The following NBAS variants were observed in gnomAD, a reference collection of about 807,000 sequenced individuals.
NBAS encodes NAG/BC035112 fusion.
Under a neutral mutation model 302.5 loss-of-function variants are expected in NBAS, and 219 were observed. The ratio of observed to expected loss-of-function variants is 0.72; its 90% CI spans 0.65 to 0.81. The LOEUF (loss-of-function observed/expected upper bound fraction) is 0.81, where lower values mean the gene tolerates loss of function less well. NBAS is among the 30% of genes least tolerant of loss of function. The pLI, the probability that NBAS is intolerant of heterozygous loss-of-function variation, is 0.00. For missense variants in NBAS, 2,932 were observed against 2,841.6 expected, an observed-to-expected ratio of 1.03 and a Z score of -0.72; for synonymous variants, 1,118 against 1,021.6, an observed-to-expected ratio of 1.09 and a Z score of -1.80.
Position 15,556,701 on chromosome 2 carries a change from A to G in NBAS, c.209+82T>C. The G allele has an allele frequency of 3.1e-6, 4 of 1,300,556 alleles. No homozygotes were observed. The Admixed American group carries it at 7.0e-5, about 23-fold the overall frequency. 80.6% of individuals were successfully genotyped at this position (1,300,556 alleles called of 1,614,324 possible). ...GCAACTTTATCATGATCTAGAATTC[A>G]ATTATGAAAACAAATCATATATAGA... On this transcript the variant is annotated intron_variant, in intron 3 of 51. Transcript: ENST00000281513.
the NBAS span, among the ~76,000 whole-genome samples, chr2:15,034,009 GAAGAA>G: frequency 5.7e-3 from 283 of 49,228 alleles, 7 homozygotes; most frequent in East Asian, 0.038. Flanking sequence ...AGAAGAAGAA[GAAGAA>G]GAAGAAGAAG....
At chr2:15,341,517 A>G (rs181645972) in intron 35 of NBAS, among the ~76,000 whole-genome samples, 1 of 152,268 alleles carries the variant, frequency 6.6e-6, no homozygotes, top group East Asian at 1.9e-4. Context: ...GTCTTTTGCA[A>G]ATGAATTTAA....
chr2:14,871,142 G>A, the NBAS span, among the ~76,000 whole-genome samples: 1 of 151,310 alleles, frequency 6.6e-6, no homozygotes. Context: ...AAAAACAAAT[G>A]ATCAGCTTTG....
intron 44 of NBAS, among the ~76,000 whole-genome samples, chr2:15,255,011 G>C (rs954237214): frequency 6.6e-6 from 1 of 152,132 alleles, no homozygotes; most frequent in African/African-American, 2.4e-5. Flanking sequence ...ATTGCGAATT[G>C]TGCTGCTATA....
the NBAS span, among the ~76,000 whole-genome samples, chr2:15,144,677 T>TA: frequency 4.0e-5 from 6 of 151,816 alleles, no homozygotes; most frequent in South Asian, 2.1e-4. Context: ...ATCTATCCTC[T>TA]AAAAAAAAGG....
the NBAS span, among the ~76,000 whole-genome samples, chr2:15,028,688 G>A: frequency 3.3e-5 from 5 of 152,008 alleles, no homozygotes; most frequent in African/African-American, 7.2e-5. Context: ...TTGGATCTTC[G>A]AGATTTCCCT....
chr2:14,948,065 T>G, the NBAS span, among the ~76,000 whole-genome samples: 1 of 152,082 alleles, frequency 6.6e-6, no homozygotes, highest in African/African-American at 2.4e-5. Context: ...ATGGACAAAG[T>G]AAGACCTAGT....
rs1170759627 is a variant in NBAS, at chr2:15,424,237, C to T, written c.2577+78G>A. On this transcript the variant is annotated intron_variant, in intron 23 of 51. Transcript: ENST00000281513. The stretch of plus-strand genomic sequence containing the variant: ...ATGATTCCTGCACTGCTGTCAGCCC[C>T]GACTCCGTGTACTGAATCCTAAGGA... 10 of 1,533,840 alleles carry T rather than the reference C, an allele frequency of 6.5e-6. No individual in the cohort carries two copies. The African/African-American group carries it at 8.2e-5, about 13-fold the overall frequency.
intron 40 of NBAS, among the ~76,000 whole-genome samples, chr2:15,306,400 A>C (rs1320684576): frequency 6.6e-6 from 1 of 152,230 alleles, no homozygotes; most frequent in Non-Finnish European, 1.5e-5. Context: ...AAATATGCCC[A>C]AAACCAATAT....
At chr2:15,453,499 G>C (rs953549660) in intron 21 of NBAS, among the ~76,000 whole-genome samples, 2 of 152,134 alleles carry the variant, frequency 1.3e-5, no homozygotes, top group Non-Finnish European at 2.9e-5. Flanking sequence ...ACCTAAAATT[G>C]TTCACTCAGT....
the NBAS span, among the ~76,000 whole-genome samples, chr2:14,863,129 T>C: frequency 6.6e-6 from 1 of 152,242 alleles, no homozygotes; most frequent in African/African-American, 2.4e-5. Flanking sequence ...ACATCTGCTC[T>C]GCAGAAGAGC....
intron 25 of NBAS, among the ~76,000 whole-genome samples, chr2:15,407,825 C>G (rs1420970930): frequency 6.6e-6 from 1 of 152,192 alleles, no homozygotes; most frequent in African/African-American, 2.4e-5. Flanking sequence ...TTCTGTAGGT[C>G]AGAAACCAAA....
At chr2:15,226,946 G>A (rs1315277639) in intron 47 of NBAS, among the ~76,000 whole-genome samples, 1 of 152,138 alleles carries the variant, frequency 6.6e-6, no homozygotes, top group Non-Finnish European at 1.5e-5. Context: ...CTAGTGTGAT[G>A]TGTTGAATAA....
chr2:14,996,080 G>T, the NBAS span, among the ~76,000 whole-genome samples: 353 of 152,184 alleles, frequency 2.3e-3, 2 homozygotes, highest in Middle Eastern at 0.014. Context: ...GTTAAAAACA[G>T]GTAACAATTA....
intron 48 of NBAS, among the ~76,000 whole-genome samples, chr2:15,210,095 A>G (rs1452405911): frequency 1.3e-5 from 2 of 152,146 alleles, no homozygotes; most frequent in Non-Finnish European, 2.9e-5. Context: ...CCCCACAAGC[A>G]CAGGCAACCA....
chr2:15,186,958 G>C, intron 49 of NBAS, 78 bp from the exon 50 acceptor site: 2 of 1,577,822 alleles, frequency 1.3e-6, no homozygotes, highest in African/African-American at 1.3e-5. Context: ...TAAAACAAGT[G>C]AAATGCTTAC....
chr2:15,331,028 AAGTACTT>A (rs1672320017), intron 35 of NBAS, among the ~76,000 whole-genome samples: 1 of 152,184 alleles, frequency 6.6e-6, no homozygotes, highest in South Asian at 2.1e-4. Context: ...AATCCCTCAG[AAGTACTT>A]ATAAAGCAAA....
chr2:15,458,842 A>G (rs1374819146), intron 21 of NBAS, among the ~76,000 whole-genome samples: 3 of 148,312 alleles, frequency 2.0e-5, no homozygotes, highest in Non-Finnish European at 4.5e-5. Flanking sequence ...TTAATTTTAA[A>G]AAAACTCTAT....
chr2:15,463,340 T>A (rs1679585822), intron 19 of NBAS, among the ~76,000 whole-genome samples: 2 of 152,198 alleles, frequency 1.3e-5, no homozygotes, highest in Admixed American at 1.3e-4. Context: ...TCATCTCAGT[T>A]ACACATCCTG....
Sources: gnomAD v4.1 joint callset for allele counts (sites outside exome capture counted in the v4.1 genomes callset) on GRCh38, gnomAD v4.1.1 for gene constraint, MANE v1.5 for transcripts, NCBI Gene and HGNC (gene_info 2026-07-23, HGNC 2026-07-21) for gene names.